HYAL4: variants seen among roughly 807,000 people sequenced by gnomAD.
HYAL4 encodes the protein hyaluronidase 4.
In HYAL4, 37 loss-of-function variants were observed where a neutral mutation model predicts 35.2. The observed-to-expected ratio is 1.05, with a 90% CI of 0.81 to 1.38. The LOEUF (loss-of-function observed/expected upper bound fraction) is 1.38. HYAL4 is among the 40% of genes most tolerant of loss of function. The pLI, the probability that HYAL4 is intolerant of heterozygous loss-of-function variation, is 0.00. For synonymous variants in HYAL4, 198 were observed against 203.2 expected (o/e 0.97, Z 0.22); for missense variants, 572 against 572.4 (o/e 1.00, Z 0.01).
the HYAL4 span, among the ~76,000 whole-genome samples, chr7:123,810,347 A>T: frequency 6.6e-6 from 1 of 152,202 alleles, no homozygotes; most frequent in Admixed American, 6.5e-5. Context: ...AACCCGTGTT[A>T]CTTCATACTA....
chr7:123,808,390 ATG>A, the HYAL4 span, among the ~76,000 whole-genome samples: 1 of 151,228 alleles, frequency 6.6e-6, no homozygotes, highest in South Asian at 2.1e-4. Flanking sequence ...ACACACACGC[ATG>A]CACACATATT....
upstream of HYAL4, among the ~76,000 whole-genome samples, chr7:123,841,247 A>C (rs974215006): frequency 1.3e-5 from 2 of 151,998 alleles, no homozygotes; most frequent in Middle Eastern, 3.4e-3. Flanking sequence ...TGAGATAATC[A>C]TATGGTTTTT....
the HYAL4 span, among the ~76,000 whole-genome samples, chr7:123,779,796 CCTTT>C: frequency 6.6e-6 from 1 of 151,910 alleles, no homozygotes; most frequent in Non-Finnish European, 1.5e-5. Context: ...TTACATAGTA[CCTTT>C]CTTCTGTAGA....
At position 123,871,121 on chromosome 7, in the gene HYAL4, G is replaced by A. The variant is rs1035838100; in HGVS notation, c.954+1894G>A. On this transcript the variant is annotated intron_variant, in intron 3 of 4. Coordinates refer to ENST00000223026, the MANE Select transcript of HYAL4 (RefSeq NM_012269.3). The stretch of plus-strand genomic sequence containing the variant: ...TGCACTCTTTTTTTCCGAGTGGCAA[G>A]CTATTTCCAAGTGTTTTAAACTATA... Among the ~76,000 whole-genome samples the A allele has an allele frequency of 4.6e-5, 7 of 151,734 alleles. No individual in the cohort carries two copies. The East Asian group carries it at 1.4e-3, about 29-fold the overall frequency.
chr7:123,834,740 T>C (rs1001748650), intron 1 of HYAL4, among the ~76,000 whole-genome samples: 4 of 152,168 alleles, frequency 2.6e-5, no homozygotes, highest in African/African-American at 4.8e-5. Context: ...TTTTATTGCA[T>C]TGAGGTATGT....
chr7:123,812,218 A>G, the HYAL4 span, among the ~76,000 whole-genome samples: 3 of 152,266 alleles, frequency 2.0e-5, no homozygotes, highest in African/African-American at 7.2e-5. Context: ...CTTGCCTGAA[A>G]CATATCAGAT....
chr7:123,824,636 G>A (rs1805774848), upstream of HYAL4, among the ~76,000 whole-genome samples: 1 of 152,020 alleles, frequency 6.6e-6, no homozygotes, highest in Non-Finnish European at 1.5e-5. Flanking sequence ...GCAGGCTTTA[G>A]CTACCACCTT....
At chr7:123,823,450 G>A in the HYAL4 span, among the ~76,000 whole-genome samples, 3 of 151,976 alleles carry the variant, frequency 2.0e-5, no homozygotes, top group Non-Finnish European at 4.4e-5. Context: ...TGGTATCAGG[G>A]TAATGCTGGC....
intron 4 of HYAL4, among the ~76,000 whole-genome samples, chr7:123,876,316 GA>G (rs780906651): frequency 2.1e-4 from 32 of 152,324 alleles, no homozygotes; most frequent in Non-Finnish European, 4.1e-4. Flanking sequence ...CACAACCAAG[GA>G]AGGCCCCACA....
chr7:123,875,566 A>T (rs1405189155), intron 4 of HYAL4, among the ~76,000 whole-genome samples: 2 of 151,354 alleles, frequency 1.3e-5, no homozygotes, highest in Non-Finnish European at 2.9e-5. Context: ...CTGAGGCAGG[A>T]GAATCACTTG....
the HYAL4 span, among the ~76,000 whole-genome samples, chr7:123,790,325 T>C: frequency 6.6e-6 from 1 of 152,192 alleles, no homozygotes; most frequent in African/African-American, 2.4e-5. Context: ...CATATTATTA[T>C]AAACAGTTTC....
Position 123,874,786 on chromosome 7 carries a change from A to G in HYAL4, c.980A>G (p.Glu327Gly). The G allele has an allele frequency of 6.2e-7, 1 of 1,608,604 alleles. No individual in the cohort carries two copies. The highest frequency in any genetic ancestry group is 1.1e-5 in the South Asian group (1 of 91,000). ...SKQDLVSTIG[E>G]SAALGAAGIV... Reference sequence around the variant, plus strand: ...CAAGATCTAGTCAGCACCATAGGAGAAAGTGCTGCCTTGGGAGCTGCAGGC... The same window carrying G: ...CAAGATCTAGTCAGCACCATAGGAGGAAGTGCTGCCTTGGGAGCTGCAGGC... Residue 327 changes from glutamate (E) to glycine (G), a missense_variant, in exon 4 of 5, where the codon GAA (glutamate) becomes GGA (glycine). By Grantham distance (98) the Glu-to-Gly change is moderately conservative (BLOSUM62 -2). Transcript: ENST00000223026.
At chr7:123,848,912 T>G (rs2116925668) in intron 2 of HYAL4, among the ~76,000 whole-genome samples, 1 of 152,246 alleles carries the variant, frequency 6.6e-6, no homozygotes, top group Admixed American at 6.5e-5. Flanking sequence ...TTAAAGTGAC[T>G]GAATATTTAG....
At chr7:123,800,117 C>T in the HYAL4 span, among the ~76,000 whole-genome samples, 2 of 147,396 alleles carry the variant, frequency 1.4e-5, no homozygotes, top group Admixed American at 6.8e-5. Flanking sequence ...GAGCCGAGAT[C>T]GCGCCACTGT....
At chr7:123,764,996 A>G in the HYAL4 span, among the ~76,000 whole-genome samples, 1 of 152,242 alleles carries the variant, frequency 6.6e-6, no homozygotes, top group African/African-American at 2.4e-5. Flanking sequence ...ATAACATATT[A>G]TAATTAAATA....
At chr7:123,812,017 T>C in the HYAL4 span, among the ~76,000 whole-genome samples, 3 of 152,024 alleles carry the variant, frequency 2.0e-5, no homozygotes, top group African/African-American at 7.3e-5. Flanking sequence ...AATTTTTGTA[T>C]TTTTAGTAGA....
chr7:123,870,889 C>G (rs1270150924), intron 3 of HYAL4, among the ~76,000 whole-genome samples: 1 of 152,046 alleles, frequency 6.6e-6, no homozygotes, highest in Non-Finnish European at 1.5e-5. Context: ...AACCAAGTTC[C>G]TTTCTTTAGT....
At chr7:123,875,234 C>T (rs1325149481) in intron 4 of HYAL4, among the ~76,000 whole-genome samples, 1 of 152,192 alleles carries the variant, frequency 6.6e-6, no homozygotes, top group African/African-American at 2.4e-5. Flanking sequence ...TGATGATGGA[C>T]ACCTTGCATT....
the HYAL4 span, among the ~76,000 whole-genome samples, chr7:123,810,706 C>T: frequency 1.3e-5 from 2 of 152,180 alleles, no homozygotes; most frequent in Non-Finnish European, 2.9e-5. Flanking sequence ...TTAGGGTTCA[C>T]TCTTCGTGTT....
Sources: gnomAD v4.1 joint callset for allele counts (sites outside exome capture counted in the v4.1 genomes callset) on GRCh38, gnomAD v4.1.1 for gene constraint, MANE v1.5 for transcripts, NCBI Gene and HGNC (gene_info 2026-07-23, HGNC 2026-07-21) for gene names.